FABP7: variants seen among roughly 807,000 people sequenced by gnomAD.
FABP7 encodes fatty acid-binding protein, brain.
FABP7 carries 13 observed loss-of-function variants against 14.2 expected under a neutral mutation model. The observed-to-expected ratio is 0.91, with a 90% CI of 0.59 to 1.45. The LOEUF is 1.45. FABP7 is among the 40% of genes most tolerant of loss of function. FABP7 has a pLI of 0.00. For synonymous variants in FABP7, 49 were observed against 51.4 expected (o/e 0.95, Z 0.20); for missense variants, 149 against 157.6 (o/e 0.95, Z 0.29).
At chr6:122,780,863 T>C (rs1463037237) in intron 2 of FABP7, among the ~76,000 whole-genome samples, 1 of 152,220 alleles carries the variant, frequency 6.6e-6, no homozygotes, top group Non-Finnish European at 1.5e-5. Context: ...TGGTTTAGGA[T>C]TTTTGTTTTT....
At chr6:122,783,148 A>G (rs1780836457) in intron 3 of FABP7, 1 of 985,346 alleles carries the variant, frequency 1.0e-6, no homozygotes, top group African/African-American at 1.7e-5. Flanking sequence ...TAGATTTGAC[A>G]TTAGAGTAAT....
the FABP7 span, among the ~76,000 whole-genome samples, chr6:122,772,668 C>T: frequency 1.3e-5 from 2 of 152,308 alleles, no homozygotes; most frequent in African/African-American, 4.8e-5. Context: ...ATCTGCCCAC[C>T]TCTGCCTCTC....
chr6:122,765,134 C>T, the FABP7 span, among the ~76,000 whole-genome samples: 1 of 152,060 alleles, frequency 6.6e-6, no homozygotes, highest in East Asian at 1.9e-4. Context: ...TGTAACATTG[C>T]TGTGTGTTCA....
At chr6:122,782,156 T>C (rs934135929) in intron 3 of FABP7, 2 of 983,832 alleles carry the variant, frequency 2.0e-6, no homozygotes, top group Non-Finnish European at 2.4e-6. Context: ...ATGAAAAATA[T>C]TTTTTTCAAT....
upstream of FABP7, among the ~76,000 whole-genome samples, chr6:122,778,126 G>A (rs897578131): frequency 1.3e-5 from 2 of 152,046 alleles, no homozygotes; most frequent in African/African-American, 4.8e-5. Context: ...AGGCTTCTTG[G>A]GTTTGTGTTT....
At chr6:122,769,990 G>A in the FABP7 span, among the ~76,000 whole-genome samples, 4 of 152,072 alleles carry the variant, frequency 2.6e-5, no homozygotes, top group South Asian at 4.1e-4. Flanking sequence ...TGGCCCGCTT[G>A]TAATTTACAA....
the FABP7 span, among the ~76,000 whole-genome samples, chr6:122,762,005 A>G: frequency 1.3e-5 from 2 of 152,186 alleles, no homozygotes; most frequent in African/African-American, 4.8e-5. Flanking sequence ...ATTCCAATCA[A>G]TAGAAAAAGA....
At chr6:122,768,047 C>T in the FABP7 span, among the ~76,000 whole-genome samples, 3 of 152,066 alleles carry the variant, frequency 2.0e-5, no homozygotes, top group Admixed American at 1.3e-4. Context: ...AACTAACCTA[C>T]AGGCAAATGG....
upstream of FABP7, among the ~76,000 whole-genome samples, chr6:122,777,390 G>A (rs148310579): frequency 1.5e-3 from 224 of 152,094 alleles, no homozygotes; most frequent in Non-Finnish European, 2.4e-3. Context: ...TTGGCCAAGG[G>A]ATGCCCGCCT....
the FABP7 span, among the ~76,000 whole-genome samples, chr6:122,771,646 T>G: frequency 6.6e-6 from 1 of 152,180 alleles, no homozygotes; most frequent in Non-Finnish European, 1.5e-5. Flanking sequence ...ATTTGAACGC[T>G]TATTAAAACT....
At chr6:122,772,854 T>C in the FABP7 span, among the ~76,000 whole-genome samples, 1 of 152,222 alleles carries the variant, frequency 6.6e-6, no homozygotes, top group Admixed American at 6.5e-5. Flanking sequence ...TAGCCCTTGC[T>C]TGAAGATTGG....
At chr6:122,771,759 T>G in the FABP7 span, among the ~76,000 whole-genome samples, 146 of 152,332 alleles carry the variant, frequency 9.6e-4, no homozygotes, top group African/African-American at 3.2e-3. Context: ...TTAGATACCT[T>G]TCTCTGGGGA....
the FABP7 span, among the ~76,000 whole-genome samples, chr6:122,765,684 T>C: frequency 2.0e-5 from 3 of 152,016 alleles, no homozygotes; most frequent in African/African-American, 7.2e-5. Context: ...TTTTCTTTAA[T>C]TTTTTCATTA....
rs1780851459 is a variant in FABP7 at position 122,783,704 on chromosome 6, T to G, written c.349-13T>G. On this transcript the variant is annotated splice_polypyrimidine_tract_variant and intron_variant, in intron 3 of 3. Coordinates refer to ENST00000368444, the MANE Select transcript of FABP7 (RefSeq NM_001446.5). Reference sequence around the variant, plus strand: ...CTGTATAAAAAGATTTGATTATCTTTTGAACCTTGCAGACCCTTACTTTTG... The same window carrying G: ...CTGTATAAAAAGATTTGATTATCTTGTGAACCTTGCAGACCCTTACTTTTG... 6.3e-7 allele frequency: 1 copy of G among 1,591,596 alleles called. No homozygotes were observed. The highest frequency in any genetic ancestry group is 8.5e-7 in the Non-Finnish European group (1 of 1,173,880).
At chr6:122,775,709 A>AAAAC (rs1562337607), upstream of FABP7, among the ~76,000 whole-genome samples, 4 of 151,364 alleles carry the variant, frequency 2.6e-5, no homozygotes, top group Admixed American at 6.6e-5. Context: ...AACAACAAAA[A>AAAAC]AAACAAACAA....
chr6:122,783,668 G>A (rs763003049), intron 3 of FABP7, 49 bp from the exon 4 acceptor site: 101 of 1,548,324 alleles, frequency 6.5e-5, no homozygotes, highest in Non-Finnish European at 8.6e-5. Context: ...AAAATTCGGT[G>A]ACTGAAGTTC....
the FABP7 span, among the ~76,000 whole-genome samples, chr6:122,756,082 C>A: frequency 6.6e-6 from 1 of 152,150 alleles, no homozygotes; most frequent in Non-Finnish European, 1.5e-5. Context: ...TCCCCCCTTT[C>A]CCCTCCTCTC....
Position 122,781,680 on chromosome 6 carries a change from A to G in FABP7, c.348+486A>G, listed in dbSNP as rs983365389. The G allele has an allele frequency of 6.0e-6, 6 of 1,000,660 alleles. No individual in the cohort carries two copies. The African/African-American group carries it at 8.6e-5, about 14-fold the overall frequency. The allele number at this position is 1,000,660 out of a possible 1,614,324, so 62.0% of individuals were successfully genotyped here. On this transcript the variant is annotated intron_variant, in intron 3 of 3. Coordinates refer to ENST00000368444, the MANE Select transcript of FABP7 (RefSeq NM_001446.5). ...AAGTTCTGGGCAGATAATTTAGAAT[A>G]TAACAGAAAAGTATAACAAAAAAAT...
At chr6:122,779,383 T>G (rs76478480), upstream of FABP7, 1,933 of 173,990 alleles carry the variant, frequency 0.011, 35 homozygotes, top group African/African-American at 0.043. Context: ...CAGTCTGAGA[T>G]TGCCTTTGCC....
Sources: allele counts gnomAD v4.1 joint callset (sites outside exome capture counted in the v4.1 genomes callset), GRCh38; gene constraint gnomAD v4.1.1; transcripts MANE v1.5; gene names NCBI Gene and HGNC (gene_info 2026-07-23, HGNC 2026-07-21).